The following TRIM44 variants were observed in gnomAD, a reference collection of about 807,000 sequenced individuals.
TRIM44 encodes the protein tripartite motif containing 44.
In TRIM44, 13 loss-of-function variants were observed where a neutral mutation model predicts 37.4. That is an observed-to-expected ratio of 0.35 (90% CI 0.23 to 0.55). TRIM44 has a LOEUF of 0.55. TRIM44 is among the 20% of genes least tolerant of loss of function. TRIM44 has a pLI of 0.89. For missense variants in TRIM44, 426 were observed against 437.2 expected (o/e 0.97, Z 0.23); for synonymous variants, 175 against 157.2 (o/e 1.11, Z -0.85).
chr11:35,768,145 G>A (rs532694746), intron 4 of TRIM44, among the ~76,000 whole-genome samples: 34 of 152,338 alleles, frequency 2.2e-4, no homozygotes, highest in African/African-American at 7.9e-4. Context: ...TGATTTGATT[G>A]TGGGTAGCCC....
In TRIM44 at chr11:35,817,170, C is replaced by A. The variant is rs1039887532; in HGVS notation, c.*10785C>A. The A allele has an allele frequency of 6.6e-5, 10 of 152,086 alleles. No individual in the cohort carries two copies. The highest frequency in any genetic ancestry group is 2.4e-4 in the African/African-American group (10 of 41,398). 9.4% of individuals were successfully genotyped at this position (152,086 alleles called of 1,614,324 possible). On this transcript the variant is annotated 3_prime_UTR_variant, in exon 5 of 5. Coordinates refer to ENST00000299413, the MANE Select transcript of TRIM44 (RefSeq NM_017583.6). The stretch of plus-strand genomic sequence containing the variant: ...TTGATAATGCCCATATCCAGAGGTA[C>A]TCCAGATATTATATCTTCATGCAGA...
intron 4 of TRIM44, among the ~76,000 whole-genome samples, chr11:35,738,751 AG>A (rs1284332089): frequency 6.6e-6 from 1 of 152,148 alleles, no homozygotes; most frequent in Non-Finnish European, 1.5e-5. Flanking sequence ...TTGATGTATA[AG>A]GAACGCAGAA....
chr11:35,789,696 CG>C (rs1565029679), intron 4 of TRIM44, among the ~76,000 whole-genome samples: 3 of 152,132 alleles, frequency 2.0e-5, no homozygotes, highest in Non-Finnish European at 4.4e-5. Flanking sequence ...TCAGTTAAGC[CG>C]TCTTAGAGGG....
chr11:35,785,479 C>T (rs1853119962), intron 4 of TRIM44, among the ~76,000 whole-genome samples: 1 of 152,234 alleles, frequency 6.6e-6, no homozygotes, highest in Non-Finnish European at 1.5e-5. Flanking sequence ...AAGACAGATG[C>T]AGTTTACCAT....
intron 2 of TRIM44, among the ~76,000 whole-genome samples, chr11:35,707,222 C>T (rs1180540016): frequency 6.6e-6 from 1 of 152,174 alleles, no homozygotes; most frequent in African/African-American, 2.4e-5. Context: ...TGAAGGACCT[C>T]TTCAAGGAGA....
chr11:35,674,587 TAAG>T (rs1037009082), intron 1 of TRIM44, among the ~76,000 whole-genome samples: 8 of 152,338 alleles, frequency 5.3e-5, no homozygotes, highest in Middle Eastern at 3.4e-3. Context: ...TTAACATCAA[TAAG>T]AAGATTAGCA....
chr11:35,731,620 C>G (rs1432261496), intron 3 of TRIM44, among the ~76,000 whole-genome samples: 3 of 151,398 alleles, frequency 2.0e-5, no homozygotes, highest in Non-Finnish European at 4.4e-5. Flanking sequence ...TTTTTTTTCT[C>G]ACTGTTTTTT....
At chr11:35,683,849 AG>A (rs1851545478) in intron 1 of TRIM44, among the ~76,000 whole-genome samples, 1 of 151,906 alleles carries the variant, frequency 6.6e-6, no homozygotes, top group South Asian at 2.1e-4. Flanking sequence ...TAAGAGATAC[AG>A]GGATACAAAA....
At chr11:35,706,109 T>C (rs1241123617) in intron 2 of TRIM44, among the ~76,000 whole-genome samples, 1 of 148,846 alleles carries the variant, frequency 6.7e-6, no homozygotes, top group African/African-American at 2.4e-5. Context: ...AAATGCAAAC[T>C]ATCATCAGAG....
At chr11:35,786,222 A>G (rs144469217) in intron 4 of TRIM44, among the ~76,000 whole-genome samples, 114 of 152,334 alleles carry the variant, frequency 7.5e-4, no homozygotes, top group African/African-American at 2.6e-3. Flanking sequence ...TAGCATTCAC[A>G]TCTACTCTAT....
At chr11:35,668,821 A>G (rs946353258) in intron 1 of TRIM44, among the ~76,000 whole-genome samples, 1 of 151,976 alleles carries the variant, frequency 6.6e-6, no homozygotes, top group Non-Finnish European at 1.5e-5. Flanking sequence ...TAGGTTGTCT[A>G]TTTTTTCTTA....
At chr11:35,704,136 G>A (rs60880377) in intron 2 of TRIM44, among the ~76,000 whole-genome samples, 1,941 of 152,272 alleles carry the variant, frequency 0.013, 46 homozygotes, top group African/African-American at 0.044. Flanking sequence ...GAGCCGATGC[G>A]ATCAACTGAA....
At chr11:35,771,904 G>A (rs952151267) in intron 4 of TRIM44, among the ~76,000 whole-genome samples, 11 of 152,162 alleles carry the variant, frequency 7.2e-5, no homozygotes, top group Non-Finnish European at 5.9e-5. Flanking sequence ...GGACAATGGG[G>A]AAAATATCTC....
intron 2 of TRIM44, among the ~76,000 whole-genome samples, chr11:35,721,645 T>C (rs1389613025): frequency 6.6e-6 from 1 of 152,202 alleles, no homozygotes; most frequent in African/African-American, 2.4e-5. Flanking sequence ...AATGTTCACT[T>C]CAGTAAACTT....
chr11:35,810,203 C>G lies in TRIM44; in HGVS notation c.*3818C>G, dbSNP rs1324844627. 2.6e-5 allele frequency: 4 copies of G among 152,122 alleles called. No homozygotes were observed. The highest frequency in any genetic ancestry group is 7.2e-5 in the African/African-American group (3 of 41,420). 9.4% of individuals were successfully genotyped at this position (152,122 alleles called of 1,614,324 possible). ...CCAGTTAGACCTAAGGGCACAAATGCAGAATTCATGACCTTGTAGTTGTGG... is the reference window on the plus strand; with the variant it reads ...CCAGTTAGACCTAAGGGCACAAATGGAGAATTCATGACCTTGTAGTTGTGG... On this transcript the variant is annotated 3_prime_UTR_variant, in exon 5 of 5. Coordinates refer to ENST00000299413, the MANE Select transcript of TRIM44 (RefSeq NM_017583.6).
chr11:35,710,261 A>C (rs898311754), intron 2 of TRIM44, among the ~76,000 whole-genome samples: 1 of 152,102 alleles, frequency 6.6e-6, no homozygotes, highest in Non-Finnish European at 1.5e-5. Context: ...ATAGAGAGAG[A>C]GCTTTGTATC....
rs779160039 is a variant in TRIM44, at chr11:35,663,339, G to A, written c.228G>A (p.Ala76=). Residue 76 remains alanine (A), a synonymous_variant, in exon 1 of 5, where the codon GCG becomes GCA. Coordinates refer to ENST00000299413, the MANE Select transcript of TRIM44 (RefSeq NM_017583.6). ...CCCCGCCAGCTGACGGAGAGGGGGC[G>A]GGGAAGGAAGAAGCGGAGGTCAAGG... ...AWTPPADGEG[A]GKEEAEVKVE... The A allele has an allele frequency of 1.2e-6, 2 of 1,614,006 alleles. No individual in the cohort carries two copies. Among genetic ancestry groups the A allele is most frequent in the Admixed American group, 1.7e-5 (1 of 59,994 alleles).
At chr11:35,717,589 A>T (rs1852053255) in intron 2 of TRIM44, among the ~76,000 whole-genome samples, 1 of 152,196 alleles carries the variant, frequency 6.6e-6, no homozygotes, top group Non-Finnish European at 1.5e-5. Context: ...CTCTGCGTGC[A>T]TTAAACTCTT....
At chr11:35,780,505 T>C (rs1853048793) in intron 4 of TRIM44, among the ~76,000 whole-genome samples, 1 of 152,210 alleles carries the variant, frequency 6.6e-6, no homozygotes. Context: ...CATTGCTTTT[T>C]AGAGCCTTAA....
Sources: gnomAD v4.1 joint callset for allele counts (sites outside exome capture counted in the v4.1 genomes callset) on GRCh38, gnomAD v4.1.1 for gene constraint, MANE v1.5 for transcripts, NCBI Gene and HGNC (gene_info 2026-07-23, HGNC 2026-07-21) for gene names.